BMPR1B: variants seen among roughly 807,000 people sequenced by gnomAD.
BMPR1B encodes the protein bone morphogenetic protein receptor type 1B, also known as bone morphogenetic protein receptor type-1B.
In BMPR1B, 12 loss-of-function variants were observed where a neutral mutation model predicts 59.1. The observed-to-expected ratio is 0.20, with a 90% CI of 0.13 to 0.33. The LOEUF (loss-of-function observed/expected upper bound fraction) is 0.33, where lower values mean the gene tolerates loss of function less well. BMPR1B is among the 10% of genes least tolerant of loss of function. The pLI is 1.00. For synonymous variants in BMPR1B, 237 were observed against 207.3 expected, an observed-to-expected ratio of 1.14 and a Z score of -1.23; for missense variants, 550 against 610.9, an observed-to-expected ratio of 0.90 and a Z score of 1.05.
At chr4:95,002,997 A>T (rs6532523) in intron 3 of BMPR1B, among the ~76,000 whole-genome samples, 145,151 of 151,856 alleles carry the variant, frequency 0.96, 69,402 homozygotes, top group Middle Eastern at 0.99. Flanking sequence ...TCCTTTATTT[A>T]AAAAAAAATT....
chr4:94,820,690 A>G (rs1724175207), intron 1 of BMPR1B, among the ~76,000 whole-genome samples: 1 of 152,200 alleles, frequency 6.6e-6, no homozygotes, highest in East Asian at 1.9e-4. Context: ...TAAAATAAAA[A>G]TAACGAAGTC....
intron 2 of BMPR1B, among the ~76,000 whole-genome samples, chr4:94,975,495 T>C (rs1309888553): frequency 6.7e-6 from 1 of 149,648 alleles, no homozygotes; most frequent in South Asian, 2.1e-4. Context: ...CCCAAATAGC[T>C]GGGACTACAG....
At chr4:95,083,413 A>G (rs1231434948) in intron 3 of BMPR1B, among the ~76,000 whole-genome samples, 1 of 152,194 alleles carries the variant, frequency 6.6e-6, no homozygotes, top group East Asian at 1.9e-4. Flanking sequence ...TATTTGTTGT[A>G]GAAGCAAAAA....
At chr4:95,051,662 T>A (rs1010046090) in intron 3 of BMPR1B, 2 of 1,531,904 alleles carry the variant, frequency 1.3e-6, no homozygotes, top group African/African-American at 2.7e-5. Flanking sequence ...AACAGGAGGC[T>A]TAAACAGGCA....
At chr4:95,057,243 G>A (rs1726996327) in intron 3 of BMPR1B, among the ~76,000 whole-genome samples, 1 of 151,916 alleles carries the variant, frequency 6.6e-6, no homozygotes, top group African/African-American at 2.4e-5. Flanking sequence ...TTAACTGACA[G>A]ATGTTTCACT....
chr4:94,837,136 G>A (rs1449955195), intron 1 of BMPR1B, among the ~76,000 whole-genome samples: 1 of 145,434 alleles, frequency 6.9e-6, no homozygotes, highest in Non-Finnish European at 1.5e-5. Context: ...TTTGGTACCA[G>A]TACCATGCTG....
chr4:94,787,366 G>A (rs1196067023), intron 1 of BMPR1B, among the ~76,000 whole-genome samples: 1 of 152,120 alleles, frequency 6.6e-6, no homozygotes, highest in Non-Finnish European at 1.5e-5. Context: ...TTAAGCTAAA[G>A]GAATTTAAGA....
chr4:94,982,675 A>G (rs1380088349), intron 2 of BMPR1B, among the ~76,000 whole-genome samples: 3 of 152,126 alleles, frequency 2.0e-5, no homozygotes, highest in African/African-American at 7.2e-5. Context: ...ATTTGACATC[A>G]TCATGTGTCC....
chr4:95,072,911 G>A (rs1339774039), intron 3 of BMPR1B, among the ~76,000 whole-genome samples: 1 of 152,048 alleles, frequency 6.6e-6, no homozygotes, highest in African/African-American at 2.4e-5. Flanking sequence ...TATTAAATAA[G>A]CATAATCATT....
chr4:94,912,736 C>G (rs1728327194), intron 2 of BMPR1B, among the ~76,000 whole-genome samples: 1 of 152,088 alleles, frequency 6.6e-6, no homozygotes, highest in Non-Finnish European at 1.5e-5. Flanking sequence ...TAATAGGTAG[C>G]TGAGAAAGCC....
intron 2 of BMPR1B, among the ~76,000 whole-genome samples, chr4:94,954,491 G>A (rs1040341767): frequency 7.2e-5 from 11 of 152,164 alleles, no homozygotes; most frequent in African/African-American, 2.4e-4. Flanking sequence ...CAAAGACTCT[G>A]TTTACATAGA....
At chr4:94,822,704 G>A (rs1724249863) in intron 1 of BMPR1B, among the ~76,000 whole-genome samples, 2 of 152,140 alleles carry the variant, frequency 1.3e-5, no homozygotes, top group South Asian at 4.1e-4. Context: ...CAAAGTCACT[G>A]CCATAGACTT....
chr4:94,943,217 C>T (rs1268576525), intron 2 of BMPR1B, among the ~76,000 whole-genome samples: 5 of 151,848 alleles, frequency 3.3e-5, no homozygotes, highest in Admixed American at 6.6e-5. Context: ...CTCGGCTCAC[C>T]GCAACCTCTG....
At chr4:94,899,586 A>C (rs1443826757) in intron 2 of BMPR1B, among the ~76,000 whole-genome samples, 1 of 151,650 alleles carries the variant, frequency 6.6e-6, no homozygotes, top group Non-Finnish European at 1.5e-5. Context: ...CGATAGTATT[A>C]TCTCTTCCTA....
intron 3 of BMPR1B, among the ~76,000 whole-genome samples, chr4:95,026,806 G>A (rs995244955): frequency 1.3e-5 from 2 of 149,390 alleles, no homozygotes; most frequent in Non-Finnish European, 3.0e-5. Context: ...CTCTTATCCA[G>A]GATGGAGTGC....
At chr4:94,988,753 C>A (rs1721560632) in intron 2 of BMPR1B, among the ~76,000 whole-genome samples, 2 of 151,916 alleles carry the variant, frequency 1.3e-5, no homozygotes, top group African/African-American at 4.8e-5. Context: ...TCCTGGGAGC[C>A]CAAATTATTT....
chr4:94,916,931 G>C (rs971173773), intron 2 of BMPR1B, among the ~76,000 whole-genome samples: 16 of 152,320 alleles, frequency 1.1e-4, no homozygotes, highest in Admixed American at 6.5e-4. Context: ...GTGCAGCCTT[G>C]GGACATTGCT....
intron 1 of BMPR1B, among the ~76,000 whole-genome samples, chr4:94,773,604 G>A (rs1180753587): frequency 6.6e-6 from 1 of 152,038 alleles, no homozygotes; most frequent in Non-Finnish European, 1.5e-5. Context: ...GGCAGTTGTT[G>A]AAACGATTTT....
chr4:95,114,049 G>A (rs1486633503), intron 4 of BMPR1B, among the ~76,000 whole-genome samples: 6 of 151,866 alleles, frequency 4.0e-5, no homozygotes, highest in African/African-American at 1.5e-4. Flanking sequence ...CCCAAATGAA[G>A]CCTATACTTC....
Sources: gnomAD v4.1 joint callset for allele counts (sites outside exome capture counted in the v4.1 genomes callset) on GRCh38, gnomAD v4.1.1 for gene constraint, MANE v1.5 for transcripts, NCBI Gene and HGNC (gene_info 2026-07-23, HGNC 2026-07-21) for gene names.